EIF2B1: variants seen among roughly 807,000 people sequenced by gnomAD.
EIF2B1 encodes eukaryotic translation initiation factor 2B subunit alpha, also known as translation initiation factor eIF2B subunit alpha.
Under a neutral mutation model 36.8 loss-of-function variants are expected in EIF2B1, and 30 were observed. That is an observed-to-expected ratio of 0.81 (90% confidence interval 0.61 to 1.10). The LOEUF is 1.10. EIF2B1 is among the 50% of genes least tolerant of loss of function. EIF2B1 has a pLI of 0.00. For missense variants in EIF2B1, 271 were observed against 374.8 expected (o/e 0.72, Z 2.29); for synonymous variants, 139 against 142.2 (o/e 0.98, Z 0.16).
chr12:123,627,960 AT>A (rs1303923244), intron 4 of EIF2B1, among the ~76,000 whole-genome samples: 1 of 152,246 alleles, frequency 6.6e-6, no homozygotes, highest in African/African-American at 2.4e-5. Context: ...TTTTGAAATG[AT>A]GGCTAACTAA....
At position 123,621,548 on chromosome 12, in the gene EIF2B1, T is replaced by C; in HGVS notation, c.*208A>G. The C allele has an allele frequency of 3.2e-6, 2 of 626,056 alleles. No homozygotes were observed. Among genetic ancestry groups the C allele is most frequent in the East Asian group, 5.8e-5 (2 of 34,564 alleles). 38.8% of individuals were successfully genotyped at this position (626,056 alleles called of 1,614,324 possible). On this transcript the variant is annotated 3_prime_UTR_variant, in exon 9 of 9. Coordinates refer to ENST00000424014, the MANE Select transcript of EIF2B1 (RefSeq NM_001414.4). ...AGTTTCTAGAAACCGTAAGAACAAT[T>C]TAAGTTGGGATTTAGAATAGCTGAC...
At chr12:123,622,965 A>G (rs987578721) in intron 7 of EIF2B1, among the ~76,000 whole-genome samples, 2 of 151,974 alleles carry the variant, frequency 1.3e-5, no homozygotes, top group Non-Finnish European at 2.9e-5. Context: ...AGGAACAATT[A>G]AAAAACAGCA....
chr12:123,622,526 G>T, intron 8 of EIF2B1, 110 bp downstream of exon 8: 3 of 1,444,764 alleles, frequency 2.1e-6, no homozygotes, highest in Non-Finnish European at 2.9e-6. Context: ...CCAAGTGTTG[G>T]GGAAAGTAGC....
intron 6 of EIF2B1, 25 bp from the exon 7 acceptor site, chr12:123,624,887 GCTTTATTTTCTTGGCT>G (rs774416117): frequency 6.2e-7 from 1 of 1,603,710 alleles, no homozygotes; most frequent in Non-Finnish European, 8.5e-7. Flanking sequence ...AGCTTTTCAT[GCTTTATTTTCTTGGCT>G]CTAACGAGTA....
At position 123,633,622 on chromosome 12, in the gene EIF2B1, C is replaced by T. The variant is rs756472352; in HGVS notation, c.-65G>A. 3.8e-6 allele frequency: 6 copies of T among 1,596,866 alleles called. No individual in the cohort carries two copies. Among genetic ancestry groups the T allele is most frequent in the Admixed American group, 3.3e-5 (2 of 59,796 alleles). On this transcript the variant is annotated 5_prime_UTR_variant, in exon 1 of 9. Transcript: ENST00000424014. ...CCCGCGCTGTCTCGAACGGGTCCGC[C>T]GGCCGCGCCGCCTGCGAGCCAGTCT...
intron 2 of EIF2B1, among the ~76,000 whole-genome samples, chr12:123,631,467 G>A (rs2135767129): frequency 6.6e-6 from 1 of 151,954 alleles, no homozygotes; most frequent in East Asian, 1.9e-4. Context: ...GAGGCTAGGA[G>A]TTTAAGACCA....
Position 123,622,833 on chromosome 12 carries a change from G to A in EIF2B1, c.628-72C>T, listed in dbSNP as rs181754159. The A allele has an allele frequency of 5.1e-5, 82 of 1,601,716 alleles. 2 individuals carry two copies. The East Asian group carries it at 1.0e-3, about 20-fold the overall frequency. On this transcript the variant is annotated intron_variant, in intron 7 of 8. Coordinates refer to ENST00000424014, the MANE Select transcript of EIF2B1 (RefSeq NM_001414.4). Reference sequence around the variant, plus strand: ...AGTAGAAGCCACAGAAAAGCGGGCCGGGCACAGTGGTGCATGCCTGTATTC... The same window carrying A: ...AGTAGAAGCCACAGAAAAGCGGGCCAGGCACAGTGGTGCATGCCTGTATTC...
Position 123,621,722 on chromosome 12 carries a change from G to GT in EIF2B1, c.*33dup. The stretch of plus-strand genomic sequence containing the variant: ...CAGCTACTCACCCTGCCTCAACTAC[G>GT]TAAGCTGCACCTTGGCAGGAAAGGG... On this transcript the variant is annotated 3_prime_UTR_variant, in exon 9 of 9. Transcript: ENST00000424014. The GT allele has an allele frequency of 1.2e-6, 2 of 1,612,670 alleles. No homozygotes were observed. Among genetic ancestry groups the GT allele is most frequent in the Non-Finnish European group, 1.7e-6 (2 of 1,179,986 alleles).
At chr12:123,624,474 G>A (rs1416759529) in intron 7 of EIF2B1, among the ~76,000 whole-genome samples, 1 of 151,852 alleles carries the variant, frequency 6.6e-6, no homozygotes, top group African/African-American at 2.4e-5. Context: ...TGCCCAGGCT[G>A]GTCTTGAACT....
At position 123,633,655 on chromosome 12, in the gene EIF2B1, C is replaced by G. The variant is rs1184663473; in HGVS notation, c.-98G>C. On this transcript the variant is annotated 5_prime_UTR_variant, in exon 1 of 9. Coordinates refer to ENST00000424014, the MANE Select transcript of EIF2B1 (RefSeq NM_001414.4). ...CCGCCTGCGAGCCAGTCTGACAGCG[C>G]GCTGCACACCTCCGCACCCCACTTC... is the stretch of plus-strand genomic sequence containing the variant. The G allele has an allele frequency of 6.4e-7, 1 of 1,559,152 alleles. No homozygotes were observed. The highest frequency in any genetic ancestry group is 8.7e-7 in the Non-Finnish European group (1 of 1,143,840).
At chr12:123,622,608 T>TA in intron 8 of EIF2B1, 28 bp downstream of exon 8, 1 of 1,613,546 alleles carries the variant, frequency 6.2e-7, no homozygotes, top group African/African-American at 1.3e-5. Context: ...TAGACTTTAG[T>TA]ACCCCTTCAA....
At chr12:123,626,230 C>T (rs1955147483) in intron 6 of EIF2B1, 195 bp downstream of exon 6, 2 of 627,138 alleles carry the variant, frequency 3.2e-6, no homozygotes, top group South Asian at 1.9e-5. Context: ...TCCCCAACAT[C>T]CTACAGCTCT....
intron 4 of EIF2B1, among the ~76,000 whole-genome samples, chr12:123,629,749 C>T (rs866280179): frequency 1.3e-5 from 2 of 152,180 alleles, no homozygotes; most frequent in African/African-American, 2.4e-5. Context: ...GCTGAGATCG[C>T]GCCACTGCAC....
intron 7 of EIF2B1, among the ~76,000 whole-genome samples, chr12:123,624,433 A>T (rs555487878): frequency 5.5e-4 from 84 of 151,622 alleles, no homozygotes; most frequent in African/African-American, 1.7e-3. Context: ...TAATTTTTCT[A>T]ATTTTTTGTA....
Position 123,632,271 on chromosome 12 carries a change from A to G in EIF2B1, c.115+74T>C, listed in dbSNP as rs112323656. ...TGACAGAGTGAGGCTCCGTCTCTTT[A>G]AAAAAAAAAAAAAAGAAAAGAAAAA... On this transcript the variant is annotated intron_variant, in intron 2 of 8. Transcript: ENST00000424014. 28 of 315,758 alleles carry G rather than the reference A, an allele frequency of 8.9e-5. No homozygotes were observed. In the South Asian group the frequency reaches 9.8e-4, roughly 11 times the overall value. 19.6% of individuals were successfully genotyped at this position (315,758 alleles called of 1,614,324 possible).
Position 123,621,369 on chromosome 12 carries a change from C to A in EIF2B1, c.*387G>T. Reference sequence around the variant, plus strand: ...CTGACCAGCTGTTGGTCATTTGTGGCAGAGGGGTGTGGCTGCTTTTCGCCT... The same window carrying A: ...CTGACCAGCTGTTGGTCATTTGTGGAAGAGGGGTGTGGCTGCTTTTCGCCT... On this transcript the variant is annotated 3_prime_UTR_variant, in exon 9 of 9. Transcript: ENST00000424014. The A allele has an allele frequency of 8.9e-6, 3 of 335,684 alleles. No homozygotes were observed. Among genetic ancestry groups the A allele is most frequent in the South Asian group, 7.3e-5 (3 of 41,314 alleles). The allele number at this position is 335,684 out of a possible 1,614,324, so 20.8% of individuals were successfully genotyped here.
intron 4 of EIF2B1, 45 bp from the exon 5 acceptor site, chr12:123,627,201 C>T: frequency 6.9e-7 from 1 of 1,456,434 alleles, no homozygotes; most frequent in Non-Finnish European, 9.6e-7. Flanking sequence ...CTCCTTGCTG[C>T]TCACTCACAC....
rs1018420927 is a variant in EIF2B1 at position 123,620,550 on chromosome 12, T to C, written c.*1206A>G. On this transcript the variant is annotated 3_prime_UTR_variant, in exon 9 of 9. Coordinates refer to ENST00000424014, the MANE Select transcript of EIF2B1 (RefSeq NM_001414.4). ...AAATAATAGATGTCAGTATTTATCATGATGGGTCACATATAGACATATGTA... is the reference window on the plus strand; with the variant it reads ...AAATAATAGATGTCAGTATTTATCACGATGGGTCACATATAGACATATGTA... 1.4e-5 allele frequency: 2 copies of C among 139,012 alleles called. No individual in the cohort carries two copies. Among genetic ancestry groups the C allele is most frequent in the African/African-American group, 2.7e-5 (1 of 37,348 alleles). 8.6% of individuals were successfully genotyped at this position (139,012 alleles called of 1,614,324 possible).
At chr12:123,624,458 C>T (rs1426863901) in intron 7 of EIF2B1, among the ~76,000 whole-genome samples, 5 of 152,058 alleles carry the variant, frequency 3.3e-5, no homozygotes, top group African/African-American at 1.2e-4. Flanking sequence ...CAGGGTTTCA[C>T]TATGTTGCCC....
Sources: allele counts gnomAD v4.1 joint callset (sites outside exome capture counted in the v4.1 genomes callset), GRCh38; gene constraint gnomAD v4.1.1; transcripts MANE v1.5; gene names NCBI Gene and HGNC (gene_info 2026-07-23, HGNC 2026-07-21).